Variants in NLRP5 observed in about 807,000 individuals in gnomAD.
The protein encoded by NLRP5 is NACHT, LRR and PYD domains-containing protein 5.
A neutral mutation model predicts 113.1 loss-of-function variants in NLRP5; 93 were observed. The ratio of observed to expected loss-of-function variants is 0.82; its 90% CI spans 0.70 to 0.98. The LOEUF is 0.98. NLRP5 is among the 50% of genes least tolerant of loss of function. The probability of loss-of-function intolerance (pLI) is 0.00; values close to 1 mark genes in which losing one functional copy is unlikely to be tolerated. For missense variants in NLRP5, 1,808 were observed against 1,514.3 expected, an observed-to-expected ratio of 1.19 and a Z score of -3.22; for synonymous variants, 751 against 600.7, an observed-to-expected ratio of 1.25 and a Z score of -3.66.
rs995763910 is a variant in NLRP5 at position 56,027,716 on chromosome 19, A to T, written c.1483A>T (p.Asn495Tyr). Reference sequence around the variant, plus strand: ...GGTGGGGGAGAGCGTCGCCCCCTTCAACCAAACGCTCACAGGCCTGCACGC... The same window carrying T: ...GGTGGGGGAGAGCGTCGCCCCCTTCTACCAAACGCTCACAGGCCTGCACGC... Residue 495 changes from asparagine (N) to tyrosine (Y), a missense_variant, in exon 7 of 15, where the codon AAC (asparagine) becomes TAC (tyrosine). Transcript: ENST00000390649. The T allele has an allele frequency of 1.2e-6, 2 of 1,613,670 alleles. No homozygotes were observed. The highest frequency in any genetic ancestry group is 1.7e-6 in the Non-Finnish European group (2 of 1,179,858).
chr19:56,050,098 C>A (rs145438941), intron 11 of NLRP5, among the ~76,000 whole-genome samples: 2 of 151,586 alleles, frequency 1.3e-5, no homozygotes, highest in Non-Finnish European at 2.9e-5. Flanking sequence ...TGGTCAACAT[C>A]GTAAAACCCC....
At position 56,041,035 on chromosome 19, in the gene NLRP5, G is replaced by T. The variant is rs532126797; in HGVS notation, c.2900G>T (p.Gly967Val). 1.9e-6 allele frequency: 3 copies of T among 1,613,994 alleles called. No individual in the cohort carries two copies. The African/African-American group carries it at 4.0e-5, about 22-fold the overall frequency. Residue 967 changes from glycine to valine, a missense_variant, in exon 11 of 15, where the codon GGT becomes GTT. Transcript: ENST00000390649. ...TCCAACAACAGCCTGGGGAACGAAG[G>T]TGTAAATCTACTGTGTCGATCCATG...
chr19:56,061,684 C>T lies in NLRP5; in HGVS notation c.*156C>T. The T allele has an allele frequency of 1.2e-6, 1 of 818,732 alleles. No individual in the cohort carries two copies. Among genetic ancestry groups the T allele is most frequent in the East Asian group, 2.5e-5 (1 of 39,312 alleles). 50.7% of individuals were successfully genotyped at this position (818,732 alleles called of 1,614,324 possible). On this transcript the variant is annotated 3_prime_UTR_variant, in exon 15 of 15. Transcript: ENST00000390649. ...TCAATGGTAGTGATTCTTCTGTGTT[C>T]ACTCTACGTTGGTTACTGGATTTGA...
intron 2 of NLRP5, among the ~76,000 whole-genome samples, chr19:56,005,845 C>T (rs562015055): frequency 6.6e-6 from 1 of 152,276 alleles, no homozygotes; most frequent in South Asian, 2.1e-4. Context: ...ACTGTCATGT[C>T]CCCACCATCT....
chr19:56,026,801 C>A, intron 6 of NLRP5, 112 bp from the exon 7 acceptor site: 1 of 1,128,158 alleles, frequency 8.9e-7, no homozygotes, highest in Non-Finnish European at 1.2e-6. Context: ...GTCTCAAACT[C>A]CTGACCTCAG....
chr19:56,005,327 TTATA>T (rs1324199392), intron 2 of NLRP5, among the ~76,000 whole-genome samples: 5 of 141,852 alleles, frequency 3.5e-5, no homozygotes, highest in African/African-American at 5.2e-5. Context: ...ACACACATAT[TTATA>T]TATACACATA....
At chr19:56,009,806 C>G (rs1357120535) in intron 3 of NLRP5, among the ~76,000 whole-genome samples, 2 of 152,124 alleles carry the variant, frequency 1.3e-5, no homozygotes, top group African/African-American at 4.8e-5. Flanking sequence ...TGAAGCCAAC[C>G]TCGTTTTGAT....
chr19:56,038,126 TGACA>T lies in NLRP5; in HGVS notation c.2721_2724del (p.Asp908ArgfsTer3). ...TCTCTGAGCCTGGCAGGAAACAAGG[TGACA>T]GACCAGGGAGTAATGCCTCTCAGTG... On this transcript the variant is annotated frameshift_variant, in exon 10 of 15. Coordinates refer to ENST00000390649, the MANE Select transcript of NLRP5 (RefSeq NM_153447.4). LOFTEE classifies it high-confidence loss of function. 1 of 1,613,950 alleles carries T rather than the reference TGACA, an allele frequency of 6.2e-7. No homozygotes were observed. Among genetic ancestry groups the T allele is most frequent in the East Asian group, 2.2e-5 (1 of 44,876 alleles).
chr19:56,031,690 T>C (rs1983121882), intron 7 of NLRP5, among the ~76,000 whole-genome samples: 1 of 151,796 alleles, frequency 6.6e-6, no homozygotes, highest in South Asian at 2.1e-4. Flanking sequence ...CTTTTGTGAC[T>C]GGTATAGCTC....
At chr19:56,031,627 CAAAA>C (rs36019339) in intron 7 of NLRP5, among the ~76,000 whole-genome samples, 3 of 113,164 alleles carry the variant, frequency 2.7e-5, no homozygotes, top group Non-Finnish European at 3.7e-5. Context: ...ACTCCGTCTC[CAAAA>C]AAAAAAAAAA....
intron 2 of NLRP5, among the ~76,000 whole-genome samples, chr19:56,005,166 T>C (rs1568481444): frequency 7.4e-6 from 1 of 135,984 alleles, no homozygotes; most frequent in African/African-American, 3.0e-5. Flanking sequence ...CATATACACA[T>C]ATATTTTTAT....
chr19:56,043,552 T>C (rs1255319918), intron 11 of NLRP5, among the ~76,000 whole-genome samples: 2 of 21,094 alleles, frequency 9.5e-5, no homozygotes, highest in South Asian at 1.8e-3. Flanking sequence ...CTTTTTTTTT[T>C]TTTTTTTTTT....
intron 13 of NLRP5, among the ~76,000 whole-genome samples, chr19:56,054,506 C>T (rs1035986844): frequency 2.7e-5 from 4 of 149,386 alleles, no homozygotes; most frequent in Admixed American, 6.7e-5. Flanking sequence ...TGCAGTGAGC[C>T]GAGACCACAC....
In NLRP5 at chr19:56,027,629, G is replaced by A. The variant is rs564724393; in HGVS notation, c.1396G>A (p.Asp466Asn). 1.7e-4 allele frequency: 271 copies of A among 1,613,554 alleles called. 3 individuals carry two copies. In the South Asian group the frequency reaches 2.4e-3, roughly 14 times the overall value. The change falls in exon 7 of 15, where the codon GAC becomes AAC. Residue 466 changes from aspartate (D) to asparagine (N), a missense_variant. By Grantham distance (23) the Asp-to-Asn change is conservative. Transcript: ENST00000390649. ...GATCATGAACAACCGTGAGCTGCTC[G>A]ACCAGTGCCAGGTGCCCGCCGTGGG... is the stretch of plus-strand genomic sequence containing the variant.
At chr19:55,990,526 A>G in the NLRP5 span, among the ~76,000 whole-genome samples, 1 of 151,726 alleles carries the variant, frequency 6.6e-6, no homozygotes, top group Non-Finnish European at 1.5e-5. Flanking sequence ...TACCCTGTCT[A>G]CTAAAAATAC....
rs750405849 is a variant in NLRP5, at chr19:56,026,948, G to A, written c.715G>A (p.Val239Met). The A allele has an allele frequency of 1.6e-5, 25 of 1,551,564 alleles. No homozygotes were observed. The Admixed American group carries it at 2.9e-4, about 18-fold the overall frequency. The stretch of plus-strand genomic sequence containing the variant: ...TGACACATGGGACTACAAGAGTCAC[G>A]TGATGACCAAATTCGCTGAGGAGGA... The change falls in exon 7 of 15, where the codon GTG becomes ATG. Residue 239 changes from valine (V) to methionine (M), a missense_variant. Physicochemically the swap from Val to Met is conservative, Grantham distance 21 (BLOSUM62 1). Transcript: ENST00000390649.
Position 56,053,834 on chromosome 19 carries a change from G to A in NLRP5, c.3299+26G>A, listed in dbSNP as rs767877025. ...GTAACTTCCTGGGGCGCCTCTTTGCGGGCCGGGCTGGGAGGAGGTGGGGGA... is the reference window on the plus strand; with the variant it reads ...GTAACTTCCTGGGGCGCCTCTTTGCAGGCCGGGCTGGGAGGAGGTGGGGGA... On this transcript the variant is annotated intron_variant, in intron 13 of 14. Transcript: ENST00000390649. 3.4e-5 allele frequency: 54 copies of A among 1,606,840 alleles called. 1 individual carries two copies. The highest frequency in any genetic ancestry group is 1.9e-4 in the Middle Eastern group (1 of 5,200).
intron 7 of NLRP5, among the ~76,000 whole-genome samples, chr19:56,031,369 C>T (rs1028105294): frequency 4.6e-5 from 7 of 152,152 alleles, no homozygotes; most frequent in African/African-American, 1.7e-4. Context: ...TGGCTCACGC[C>T]TGTCATCCCA....
chr19:56,038,893 C>A (rs1470601383), intron 10 of NLRP5, among the ~76,000 whole-genome samples: 2 of 152,162 alleles, frequency 1.3e-5, no homozygotes, highest in African/African-American at 4.8e-5. Context: ...CTCACTACAG[C>A]CTCAACTCTT....
Sources: allele counts gnomAD v4.1 joint callset (sites outside exome capture counted in the v4.1 genomes callset), GRCh38; gene constraint gnomAD v4.1.1; transcripts MANE v1.5; gene names NCBI Gene and HGNC (gene_info 2026-07-23, HGNC 2026-07-21).